DMD: variants seen among roughly 807,000 people sequenced by gnomAD.
DMD encodes the protein dystrophin, also known as mutant dystrophin.
Under a neutral mutation model 330.1 loss-of-function variants are expected in DMD, and 63 were observed. That is an observed-to-expected ratio of 0.19 (90% CI 0.16 to 0.24). The LOEUF (loss-of-function observed/expected upper bound fraction) is 0.24. Ranked by LOEUF, DMD falls within the 10% of genes least tolerant of loss-of-function variation. DMD has a pLI of 1.00. For synonymous variants in DMD, 1,223 were observed against 959.8 expected (o/e 1.27, Z -5.07); for missense variants, 3,344 against 2,684.1 (o/e 1.25, Z -5.43).
intron 30 of DMD, among the ~76,000 whole-genome samples, chrX:32,410,049 G>C (rs952300660): frequency 1.7e-4 from 19 of 111,640 alleles, no homozygotes; most frequent in African/African-American, 5.2e-4. Flanking sequence ...CTTAGGAATA[G>C]TTAATTCTAG....
chrX:33,199,793 A>T (rs940768597), intron 1 of DMD, among the ~76,000 whole-genome samples: 5 of 111,328 alleles, frequency 4.5e-5, no homozygotes, highest in African/African-American at 6.5e-5. Context: ...AGTAGTAGTG[A>T]AGCCATGAGA....
At chrX:31,922,525 T>TGTGTGTGTGTGTGC (rs773093542) in intron 47 of DMD, among the ~76,000 whole-genome samples, 60 of 106,397 alleles carry the variant, frequency 5.6e-4, no homozygotes, top group Admixed American at 2.4e-3. Flanking sequence ...TGTGTGTGTG[T>TGTGTGTGTGTGTGC]GCGCGCGCGT....
chrX:31,134,055 G>T, intron 77 of DMD, 47 bp downstream of exon 77: 2 of 1,114,741 alleles, frequency 1.8e-6, no homozygotes, highest in Non-Finnish European at 2.5e-6. Context: ...GGAAGCGAGT[G>T]GCCTGATCCC....
At chrX:32,796,839 G>A (rs2076216889) in intron 7 of DMD, among the ~76,000 whole-genome samples, 1 of 111,743 alleles carries the variant, frequency 8.9e-6, no homozygotes, top group Admixed American at 9.5e-5. Flanking sequence ...GTTTCCCTCT[G>A]CAAGGAATAA....
Position 32,756,947 on chromosome X carries a change from G to A in DMD, c.649+52546C>T, listed in dbSNP as rs533513492. ...TGAAGTCAGGCCATAAGTTCATGGT[G>A]ACATGAAATTCTCTTCAAGACCAAA... On this transcript the variant is annotated intron_variant, in intron 7 of 78. Transcript: ENST00000357033. Among the ~76,000 whole-genome samples, 125 of 111,619 alleles carry A rather than the reference G, an allele frequency of 1.1e-3. 1 individual carries two copies. Among genetic ancestry groups the A allele is most frequent in the African/African-American group, 3.9e-3 (119 of 30,811 alleles).
chrX:32,581,083 C>T (rs1246329127), intron 13 of DMD, among the ~76,000 whole-genome samples: 7 of 111,816 alleles, frequency 6.3e-5, no homozygotes, highest in Admixed American at 5.7e-4. Context: ...GCCTCGGCCT[C>T]GCAAAGTGCT....
At chrX:32,573,685 A>C (rs748863056) in intron 14 of DMD, 48 bp from the exon 15 acceptor site, 2 of 1,196,115 alleles carry the variant, frequency 1.7e-6, no homozygotes, top group African/African-American at 1.7e-5. Flanking sequence ...ATAAATCTTT[A>C]CTTTTCCAAT....
At chrX:31,529,453 C>G (rs1039306618) in intron 55 of DMD, among the ~76,000 whole-genome samples, 1 of 111,540 alleles carries the variant, frequency 9.0e-6, no homozygotes, top group Non-Finnish European at 1.9e-5. Flanking sequence ...CAGGGATAAA[C>G]TGGGACAGCC....
chrX:32,752,400 C>G (rs750982056), intron 7 of DMD, among the ~76,000 whole-genome samples: 1 of 110,764 alleles, frequency 9.0e-6, no homozygotes, highest in Non-Finnish European at 1.9e-5. Flanking sequence ...TTCAGACTTG[C>G]ATGTGCCCTG....
intron 44 of DMD, among the ~76,000 whole-genome samples, chrX:31,991,301 A>C (rs1200629524): frequency 9.0e-6 from 1 of 111,635 alleles, no homozygotes; most frequent in Non-Finnish European, 1.9e-5. Context: ...TAATGTGATT[A>C]CAAATGGAAA....
In DMD at chrX:32,576,725, A is replaced by G. The variant is rs374290974; in HGVS notation, c.1603-2879T>C. ...GCCAAGGAGAGCAAAACCATGGATG[A>G]GGGAGGGAGGGAGGGAGGGAGGGAG... On this transcript the variant is annotated intron_variant, in intron 13 of 78. Transcript: ENST00000357033. Among the ~76,000 whole-genome samples the G allele has an allele frequency of 2.8e-3, 100 of 35,836 alleles. 1 individual carries two copies. Among genetic ancestry groups the G allele is most frequent in the African/African-American group, 0.01 (98 of 9,577 alleles). The allele number at this position is 35,836 out of a possible 115,157, so 31.1% of individuals were successfully genotyped here. A position where few individuals can be genotyped will look rare whatever the true frequency, so the allele number is the denominator to read the frequency against.
intron 1 of DMD, among the ~76,000 whole-genome samples, chrX:33,107,782 T>G (rs180740059): frequency 8.9e-6 from 1 of 111,913 alleles, no homozygotes; most frequent in East Asian, 2.8e-4. Flanking sequence ...AAAATAGAAT[T>G]ATTTAGTTCA....
At chrX:32,006,474 T>C (rs924538685) in intron 44 of DMD, among the ~76,000 whole-genome samples, 1 of 112,085 alleles carries the variant, frequency 8.9e-6, no homozygotes, top group Non-Finnish European at 1.9e-5. Context: ...GTAGTTTTAA[T>C]CAAGCAAATA....
intron 51 of DMD, among the ~76,000 whole-genome samples, chrX:31,748,042 A>G (rs927677969): frequency 1.8e-5 from 2 of 111,862 alleles, no homozygotes; most frequent in African/African-American, 6.5e-5. Context: ...AAAACTGATA[A>G]TCATAAATAA....
intron 63 of DMD, among the ~76,000 whole-genome samples, chrX:31,227,295 G>A (rs762887566): frequency 9.0e-6 from 1 of 111,637 alleles, no homozygotes; most frequent in African/African-American, 3.2e-5. Context: ...AGGCAAGAAT[G>A]ATCTGATTCT....
chrX:31,138,749 C>T (rs749536235), intron 76 of DMD, among the ~76,000 whole-genome samples: 1 of 109,158 alleles, frequency 9.2e-6, no homozygotes, highest in African/African-American at 3.4e-5. Context: ...CTCACTATCA[C>T]GAGAACAGCA....
intron 18 of DMD, chrX:32,517,786 T>C (rs1003364413): frequency 2.3e-6 from 1 of 440,044 alleles, no homozygotes; most frequent in African/African-American, 2.5e-5. Flanking sequence ...TTAAGGCAAG[T>C]TTATGAAAGG....
chrX:32,977,428 G>A (rs1025250818), intron 2 of DMD, among the ~76,000 whole-genome samples: 2 of 111,464 alleles, frequency 1.8e-5, no homozygotes, highest in East Asian at 2.8e-4. Context: ...GACTGTGGCC[G>A]ACTTGGTTCT....
At chrX:32,823,254 T>C (rs764864518) in intron 5 of DMD, 41 bp downstream of exon 5, 1 of 1,085,665 alleles carries the variant, frequency 9.2e-7, no homozygotes, top group South Asian at 1.8e-5. Context: ...AAAAACAAGA[T>C]TAATGTTACC....
Sources: gnomAD v4.1 joint callset for allele counts (sites outside exome capture counted in the v4.1 genomes callset) on GRCh38, gnomAD v4.1.1 for gene constraint, MANE v1.5 for transcripts, NCBI Gene and HGNC (gene_info 2026-07-23, HGNC 2026-07-21) for gene names.